Variants in ZNF385B observed in about 807,000 individuals in gnomAD.
ZNF385B encodes the protein zinc finger protein 385B.
Under a neutral mutation model 39.2 loss-of-function variants are expected in ZNF385B, and 23 were observed. The observed-to-expected ratio is 0.59, with a 90% CI of 0.42 to 0.83. The LOEUF is 0.83. Among genes scored for constraint, ZNF385B ranks in the 40% least tolerant of loss-of-function variants. The pLI, the probability that ZNF385B is intolerant of heterozygous loss-of-function variation, is 0.00. For synonymous variants in ZNF385B, 205 were observed against 222.6 expected (o/e 0.92, Z 0.70); for missense variants, 552 against 598.9 (o/e 0.92, Z 0.82).
chr2:179,845,194 A>C (rs1708738207), intron 1 of ZNF385B, among the ~76,000 whole-genome samples: 1 of 152,250 alleles, frequency 6.6e-6, no homozygotes, highest in Admixed American at 6.5e-5. Flanking sequence ...ATATGCTGAC[A>C]GCAAATTATT....
At chr2:179,697,065 G>A (rs889159767) in intron 3 of ZNF385B, among the ~76,000 whole-genome samples, 3 of 152,124 alleles carry the variant, frequency 2.0e-5, no homozygotes, top group Admixed American at 6.6e-5. Flanking sequence ...CGGGGTGTGT[G>A]GGAGCCTCCA....
At chr2:179,719,173 G>C (rs1401927604) in intron 3 of ZNF385B, among the ~76,000 whole-genome samples, 2 of 151,884 alleles carry the variant, frequency 1.3e-5, no homozygotes, top group Non-Finnish European at 2.9e-5. Flanking sequence ...CTCCACCCAT[G>C]AGCCCACCCC....
intron 3 of ZNF385B, among the ~76,000 whole-genome samples, chr2:179,733,959 T>C (rs1701571811): frequency 6.6e-6 from 1 of 152,166 alleles, no homozygotes; most frequent in Non-Finnish European, 1.5e-5. Flanking sequence ...CCCCCATATG[T>C]ATGTATATAT....
intron 3 of ZNF385B, among the ~76,000 whole-genome samples, chr2:179,723,533 C>T (rs1436240245): frequency 1.3e-5 from 2 of 152,104 alleles, no homozygotes; most frequent in African/African-American, 4.8e-5. Context: ...TACAGCTACA[C>T]ATCAAAAAGT....
At chr2:179,581,926 T>C (rs756553756) in intron 3 of ZNF385B, among the ~76,000 whole-genome samples, 7 of 152,182 alleles carry the variant, frequency 4.6e-5, no homozygotes, top group South Asian at 2.1e-4. Flanking sequence ...ATTTCTGAAT[T>C]GTTAGGTGAG....
intron 6 of ZNF385B, among the ~76,000 whole-genome samples, chr2:179,449,413 C>A (rs1053248014): frequency 1.3e-5 from 2 of 152,094 alleles, no homozygotes; most frequent in African/African-American, 4.8e-5. Context: ...TCTCAGGATA[C>A]AAAATCAATG....
chr2:179,563,486 G>A lies in ZNF385B; in HGVS notation c.299-18517C>T, dbSNP rs147630641. ...TAACCACAGCCAACACTTTAGTGAC[G>A]TACAGAAAAAATTATATTTATCCAA... On this transcript the variant is annotated intron_variant, in intron 3 of 9. Transcript: ENST00000410066. 7.0e-3 allele frequency among the ~76,000 whole-genome samples: 1,073 copies of A among 152,218 alleles called. 16 individuals are homozygous for A. The highest frequency in any genetic ancestry group is 0.025 in the African/African-American group (1,033 of 41,530).
At chr2:179,444,829 C>T (rs760712382) in intron 9 of ZNF385B, 47 bp downstream of exon 9, 1 of 1,544,778 alleles carries the variant, frequency 6.5e-7, no homozygotes, top group Middle Eastern at 1.7e-4. Context: ...CTGCCCAACC[C>T]AGCAAGGCTG....
chr2:179,746,872 TAC>T (rs1393511714), intron 3 of ZNF385B, among the ~76,000 whole-genome samples: 2 of 152,078 alleles, frequency 1.3e-5, no homozygotes, highest in African/African-American at 4.8e-5. Context: ...TCACAAAATA[TAC>T]AGATTTGACA....
At chr2:179,699,717 G>C (rs1412937916) in intron 3 of ZNF385B, among the ~76,000 whole-genome samples, 1 of 152,094 alleles carries the variant, frequency 6.6e-6, no homozygotes, top group African/African-American at 2.4e-5. Flanking sequence ...TTCCCTAAAG[G>C]TGGCTATATA....
chr2:179,450,121 A>C (rs2049945567), intron 6 of ZNF385B, among the ~76,000 whole-genome samples: 1 of 151,924 alleles, frequency 6.6e-6, no homozygotes, highest in South Asian at 2.1e-4. Context: ...TTAAAGACTT[A>C]AATGTTAGAC....
At chr2:179,504,362 C>A (rs1371048904) in intron 5 of ZNF385B, among the ~76,000 whole-genome samples, 1 of 151,824 alleles carries the variant, frequency 6.6e-6, no homozygotes, top group Non-Finnish European at 1.5e-5. Flanking sequence ...TTTATAGCAG[C>A]ATGATTTATA....
intron 3 of ZNF385B, among the ~76,000 whole-genome samples, chr2:179,623,092 A>C (rs965819305): frequency 2.0e-5 from 3 of 152,200 alleles, no homozygotes; most frequent in African/African-American, 2.4e-5. Flanking sequence ...CTTGAGGCTT[A>C]ACTGGATCTT....
chr2:179,597,064 T>C (rs1174575769), intron 3 of ZNF385B, among the ~76,000 whole-genome samples: 1 of 152,196 alleles, frequency 6.6e-6, no homozygotes, highest in African/African-American at 2.4e-5. Flanking sequence ...TTCCCATATC[T>C]TACTGAGCCC....
At chr2:179,514,694 C>T (rs72952294) in intron 5 of ZNF385B, among the ~76,000 whole-genome samples, 9,038 of 150,226 alleles carry the variant, frequency 0.06, 336 homozygotes, top group South Asian at 0.12. Flanking sequence ...TAAAGATATG[C>T]AAAAAAATTA....
At chr2:179,536,677 A>G (rs1476849411) in intron 4 of ZNF385B, among the ~76,000 whole-genome samples, 2 of 152,210 alleles carry the variant, frequency 1.3e-5, no homozygotes, top group Non-Finnish European at 2.9e-5. Context: ...AGCAATTTCT[A>G]TTAGACAGAG....
chr2:179,458,480 C>T (rs1456059086), intron 6 of ZNF385B, among the ~76,000 whole-genome samples: 2 of 152,164 alleles, frequency 1.3e-5, no homozygotes, highest in Non-Finnish European at 2.9e-5. Context: ...CAGAATATTA[C>T]AGGCACGTCT....
At chr2:179,569,349 A>G (rs1684952484) in intron 3 of ZNF385B, among the ~76,000 whole-genome samples, 1 of 152,252 alleles carries the variant, frequency 6.6e-6, no homozygotes, top group Admixed American at 6.5e-5. Context: ...TGCATATTTT[A>G]CTTTTAAACA....
At chr2:179,461,520 A>C (rs2051343420) in intron 6 of ZNF385B, among the ~76,000 whole-genome samples, 2 of 152,204 alleles carry the variant, frequency 1.3e-5, no homozygotes, top group Non-Finnish European at 2.9e-5. Flanking sequence ...TGAGCACTTG[A>C]AAAATAGTGG....
Sources: gnomAD v4.1 joint callset for allele counts (sites outside exome capture counted in the v4.1 genomes callset) on GRCh38, gnomAD v4.1.1 for gene constraint, MANE v1.5 for transcripts, NCBI Gene and HGNC (gene_info 2026-07-23, HGNC 2026-07-21) for gene names.